The following CPA6 variants were observed in gnomAD, a reference collection of about 807,000 sequenced individuals.
The protein encoded by CPA6 is carboxypeptidase A6.
A neutral mutation model predicts 63.3 loss-of-function variants in CPA6; 58 were observed. The ratio of observed to expected loss-of-function variants is 0.92; its 90% CI spans 0.74 to 1.14. The LOEUF is 1.14. Ranked by LOEUF, CPA6 falls within the 50% of genes most tolerant of loss-of-function variation. The probability of loss-of-function intolerance (pLI) is 0.00; values close to 1 mark genes in which losing one functional copy is unlikely to be tolerated. For synonymous variants in CPA6, 185 were observed against 179.0 expected, an observed-to-expected ratio of 1.03 and a Z score of -0.27; for missense variants, 565 against 526.6, an observed-to-expected ratio of 1.07 and a Z score of -0.71.
At chr8:67,653,885 A>T (rs1348674218) in intron 1 of CPA6, among the ~76,000 whole-genome samples, 2 of 151,778 alleles carry the variant, frequency 1.3e-5, no homozygotes, top group African/African-American at 4.9e-5. Flanking sequence ...GGTTTGTCAT[A>T]GATAGCTCTT....
At chr8:67,703,571 C>T (rs1817070331) in intron 1 of CPA6, among the ~76,000 whole-genome samples, 1 of 152,236 alleles carries the variant, frequency 6.6e-6, no homozygotes, top group Admixed American at 6.5e-5. Context: ...ACTTTGCATG[C>T]TGCATGACCT....
intron 1 of CPA6, among the ~76,000 whole-genome samples, chr8:67,731,135 T>G (rs1817697788): frequency 6.6e-6 from 1 of 152,236 alleles, no homozygotes; most frequent in Admixed American, 6.5e-5. Flanking sequence ...TTTTTTCTTA[T>G]TAAGATTCCT....
intron 2 of CPA6, among the ~76,000 whole-genome samples, chr8:67,568,990 A>G (rs900840436): frequency 2.0e-5 from 3 of 152,194 alleles, no homozygotes; most frequent in Non-Finnish European, 2.9e-5. Context: ...ACCTCAGGTG[A>G]TCCACCCACC....
intron 2 of CPA6, among the ~76,000 whole-genome samples, chr8:67,596,875 A>C (rs1814352677): frequency 6.6e-6 from 1 of 152,142 alleles, no homozygotes; most frequent in South Asian, 2.1e-4. Flanking sequence ...ATTTGGGTTT[A>C]TCTGATATTT....
intron 2 of CPA6, among the ~76,000 whole-genome samples, chr8:67,612,754 A>G (rs1814844122): frequency 6.6e-6 from 1 of 152,232 alleles, no homozygotes; most frequent in South Asian, 2.1e-4. Flanking sequence ...GCTGATGAAT[A>G]TGCAAAAGCT....
intron 1 of CPA6, among the ~76,000 whole-genome samples, chr8:67,738,916 GT>G (rs1563415518): frequency 6.6e-6 from 1 of 152,070 alleles, no homozygotes; most frequent in African/African-American, 2.4e-5. Flanking sequence ...TCTATTTTCT[GT>G]TCAGTCATTC....
At chr8:67,536,514 TA>T (rs1320708544) in intron 2 of CPA6, among the ~76,000 whole-genome samples, 2 of 152,308 alleles carry the variant, frequency 1.3e-5, no homozygotes, top group East Asian at 3.9e-4. Flanking sequence ...TATTGGTGTA[TA>T]GGAATGCTTG....
intron 8 of CPA6, among the ~76,000 whole-genome samples, chr8:67,459,395 A>C (rs866191956): frequency 2.0e-5 from 3 of 152,210 alleles, no homozygotes; most frequent in Non-Finnish European, 2.9e-5. Context: ...CAGATGAATG[A>C]ACTGTGGTAC....
At chr8:67,586,623 T>C (rs192209913) in intron 2 of CPA6, among the ~76,000 whole-genome samples, 1 of 152,140 alleles carries the variant, frequency 6.6e-6, no homozygotes, top group African/African-American at 2.4e-5. Context: ...TAGAATATAA[T>C]TCGTTCTGTG....
chr8:67,644,422 T>TGG (rs1264555227), intron 1 of CPA6, among the ~76,000 whole-genome samples: 1 of 152,164 alleles, frequency 6.6e-6, no homozygotes, highest in Non-Finnish European at 1.5e-5. Flanking sequence ...CCGGCCATTA[T>TGG]GGCTGTCTTG....
At chr8:67,685,304 T>C (rs1043244681) in intron 1 of CPA6, among the ~76,000 whole-genome samples, 1 of 152,184 alleles carries the variant, frequency 6.6e-6, no homozygotes, top group African/African-American at 2.4e-5. Flanking sequence ...ACTTTTTGTA[T>C]GTGTGTCACA....
intron 1 of CPA6, among the ~76,000 whole-genome samples, chr8:67,651,053 G>A (rs1320668600): frequency 6.6e-6 from 1 of 152,122 alleles, no homozygotes; most frequent in Non-Finnish European, 1.5e-5. Context: ...AAGAATCAAA[G>A]AATTGTTGTA....
intron 1 of CPA6, among the ~76,000 whole-genome samples, chr8:67,648,258 GTTTTTTTTT>G (rs4009129): frequency 8.8e-6 from 1 of 113,894 alleles, no homozygotes; most frequent in African/African-American, 3.4e-5. Context: ...CCTAGATTAG[GTTTTTTTTT>G]TTTTTTTTTT....
intron 1 of CPA6, among the ~76,000 whole-genome samples, chr8:67,660,145 T>C (rs904861914): frequency 6.6e-6 from 1 of 152,058 alleles, no homozygotes; most frequent in Non-Finnish European, 1.5e-5. Context: ...GGAAAGGCTT[T>C]AGATTTTGGA....
intron 2 of CPA6, among the ~76,000 whole-genome samples, chr8:67,607,943 A>C (rs1323016467): frequency 1.3e-5 from 2 of 151,824 alleles, no homozygotes; most frequent in Non-Finnish European, 2.9e-5. Context: ...ATAACAGACA[A>C]AGGTGGTTAT....
At chr8:67,496,817 C>T (rs1811729695) in intron 6 of CPA6, among the ~76,000 whole-genome samples, 1 of 151,858 alleles carries the variant, frequency 6.6e-6, no homozygotes. Flanking sequence ...CCTTGGCCTC[C>T]CAAAGTGCTG....
At chr8:67,551,767 T>C (rs907835737) in intron 2 of CPA6, among the ~76,000 whole-genome samples, 3 of 152,236 alleles carry the variant, frequency 2.0e-5, no homozygotes, top group African/African-American at 7.2e-5. Context: ...CTAGGTATTT[T>C]ATTTTTTTGG....
intron 8 of CPA6, among the ~76,000 whole-genome samples, chr8:67,479,167 C>A (rs1416248780): frequency 3.9e-5 from 6 of 152,184 alleles, no homozygotes; most frequent in African/African-American, 1.4e-4. Flanking sequence ...AGTCCAGACC[C>A]ACCAAAGAAG....
intron 1 of CPA6, among the ~76,000 whole-genome samples, chr8:67,640,440 G>A (rs1289265350): frequency 6.6e-6 from 1 of 151,176 alleles, no homozygotes; most frequent in Non-Finnish European, 1.5e-5. Context: ...ATCTGTCTGG[G>A]TTTCAAAATT....
Sources: gnomAD v4.1 joint callset for allele counts (sites outside exome capture counted in the v4.1 genomes callset) on GRCh38, gnomAD v4.1.1 for gene constraint, MANE v1.5 for transcripts, NCBI Gene and HGNC (gene_info 2026-07-23, HGNC 2026-07-21) for gene names.